The following ZFAT variants were observed in gnomAD, a reference collection of about 807,000 sequenced individuals.
The protein encoded by ZFAT is zinc finger and AT-hook domain containing.
A neutral mutation model predicts 117.7 loss-of-function variants in ZFAT; 64 were observed. That is an observed-to-expected ratio of 0.54 (90% CI 0.44 to 0.67). ZFAT has a LOEUF of 0.67. ZFAT is among the 30% of genes least tolerant of loss of function. The pLI is 0.00. For missense variants in ZFAT, 1,433 were observed against 1,584.5 expected (o/e 0.90, Z 1.62); for synonymous variants, 679 against 615.0 (o/e 1.10, Z -1.54).
At chr8:134,490,773 A>C (rs756173867) in intron 15 of ZFAT, among the ~76,000 whole-genome samples, 5 of 152,164 alleles carry the variant, frequency 3.3e-5, no homozygotes, top group African/African-American at 4.8e-5. Flanking sequence ...CTAAGTCCAT[A>C]AAGCAGGAAT....
intron 13 of ZFAT, among the ~76,000 whole-genome samples, chr8:134,514,031 A>C (rs992170526): frequency 1.3e-5 from 2 of 152,246 alleles, no homozygotes; most frequent in Non-Finnish European, 2.9e-5. Context: ...GTTCCTCCTC[A>C]TTCTGGGGAA....
At chr8:134,479,490 C>T (rs921735139) in intron 15 of ZFAT, among the ~76,000 whole-genome samples, 2 of 152,216 alleles carry the variant, frequency 1.3e-5, no homozygotes, top group African/African-American at 4.8e-5. Flanking sequence ...GCTGCCAGCT[C>T]TGGGCTGTTT....
chr8:134,712,589 C>T (rs1258982515), intron 1 of ZFAT, among the ~76,000 whole-genome samples: 5 of 151,482 alleles, frequency 3.3e-5, no homozygotes, highest in African/African-American at 1.2e-4. Context: ...GTGGAAACGG[C>T]CGGGCGCATG....
At chr8:134,809,865 G>A in the ZFAT span, among the ~76,000 whole-genome samples, 1 of 152,142 alleles carries the variant, frequency 6.6e-6, no homozygotes, top group Non-Finnish European at 1.5e-5. Flanking sequence ...GAGTTGAATA[G>A]TAGCCAGTAC....
At chr8:134,533,034 C>A in intron 11 of ZFAT, 62 bp from the exon 12 acceptor site, 1 of 1,547,242 alleles carries the variant, frequency 6.5e-7, no homozygotes. Context: ...TTCGCTGCTG[C>A]TCCCACCTGG....
the ZFAT span, among the ~76,000 whole-genome samples, chr8:134,741,971 T>A: frequency 1.2e-4 from 19 of 152,010 alleles, no homozygotes; most frequent in Non-Finnish European, 2.4e-4. Context: ...ACCTGCGTAC[T>A]TCTCCCCAGC....
At chr8:134,814,757 T>C in the ZFAT span, among the ~76,000 whole-genome samples, 1 of 152,206 alleles carries the variant, frequency 6.6e-6, no homozygotes, top group African/African-American at 2.4e-5. Context: ...CTTGTCTGTT[T>C]CCACACTAAG....
At chr8:134,622,689 C>T (rs1188108651) in intron 3 of ZFAT, among the ~76,000 whole-genome samples, 1 of 152,158 alleles carries the variant, frequency 6.6e-6, no homozygotes, top group African/African-American at 2.4e-5. Flanking sequence ...ACACAATGGG[C>T]CCTACTGCTC....
Position 134,588,292 on chromosome 8 carries a change from G to T in ZFAT, c.2667C>A (p.Phe889Leu). 2 of 1,577,984 alleles carry T rather than the reference G, an allele frequency of 1.3e-6. No individual in the cohort carries two copies. The highest frequency in any genetic ancestry group is 1.7e-6 in the Non-Finnish European group (2 of 1,160,260). The change falls in exon 9 of 16, where the codon TTC becomes TTA. Residue 889 changes from phenylalanine to leucine, a missense_variant. Around this residue, in one of 5 missense-constraint regions of ZFAT, gnomAD observed 503 missense variants for 543.4 expected, o/e 0.93. Transcript: ENST00000377838. The part of the protein sequence containing the change: ...AMKCPYCDFY[F>L]MKNGSDLQRH... ...GCTGAAGGTCTGAGCCATTCTTCAT[G>T]AAATAAAAGTCACAATATGGGCATT...
chr8:134,691,931 T>G (rs1833607608), intron 1 of ZFAT, among the ~76,000 whole-genome samples: 1 of 152,216 alleles, frequency 6.6e-6, no homozygotes, highest in African/African-American at 2.4e-5. Flanking sequence ...GAGAATAATC[T>G]GAACTAACTG....
chr8:134,514,827 T>C (rs113448615), intron 13 of ZFAT, among the ~76,000 whole-genome samples: 5 of 152,348 alleles, frequency 3.3e-5, no homozygotes, highest in African/African-American at 1.2e-4. Context: ...TTTTTAATTA[T>C]ACTCTAAGTT....
intron 11 of ZFAT, among the ~76,000 whole-genome samples, chr8:134,551,177 G>A (rs1215623584): frequency 1.3e-5 from 2 of 152,188 alleles, no homozygotes; most frequent in Non-Finnish European, 2.9e-5. Context: ...AAATGAGAAA[G>A]CGTGGACTAA....
the ZFAT span, among the ~76,000 whole-genome samples, chr8:134,832,081 G>A: frequency 6.7e-6 from 1 of 149,596 alleles, no homozygotes; most frequent in South Asian, 2.1e-4. Context: ...AGGCGCGCCT[G>A]GAGCGGCCGG....
At chr8:134,628,762 G>A (rs532497807) in intron 3 of ZFAT, among the ~76,000 whole-genome samples, 2 of 152,260 alleles carry the variant, frequency 1.3e-5, no homozygotes, top group South Asian at 4.2e-4. Flanking sequence ...GGTGACACTG[G>A]ATAGGATGCT....
intron 2 of ZFAT, among the ~76,000 whole-genome samples, chr8:134,639,274 C>G (rs1437399069): frequency 2.6e-5 from 4 of 152,148 alleles, no homozygotes; most frequent in African/African-American, 9.7e-5. Context: ...CTCAGGGAAA[C>G]CTGGCACCAG....
chr8:134,662,237 C>T (rs775536647), intron 1 of ZFAT, among the ~76,000 whole-genome samples: 4 of 152,240 alleles, frequency 2.6e-5, no homozygotes, highest in African/African-American at 7.2e-5. Flanking sequence ...CCCACCCTCA[C>T]GACCTGACCA....
At chr8:134,497,070 C>T (rs1818495206) in intron 15 of ZFAT, among the ~76,000 whole-genome samples, 1 of 152,212 alleles carries the variant, frequency 6.6e-6, no homozygotes, top group Admixed American at 6.5e-5. Context: ...CTCCCACAGT[C>T]AGCACGGGCG....
At chr8:134,665,426 G>A (rs141854519) in intron 1 of ZFAT, among the ~76,000 whole-genome samples, 174 of 152,260 alleles carry the variant, frequency 1.1e-3, no homozygotes, top group African/African-American at 2.9e-3. Context: ...CTGTTACCCC[G>A]CACATGAGGC....
At chr8:134,525,008 C>G (rs909514113) in intron 12 of ZFAT, among the ~76,000 whole-genome samples, 2 of 152,190 alleles carry the variant, frequency 1.3e-5, no homozygotes, top group Admixed American at 1.3e-4. Context: ...TGAAGTAACC[C>G]TACTGAGGTC....
Sources: allele counts gnomAD v4.1 joint callset (sites outside exome capture counted in the v4.1 genomes callset), GRCh38; gene constraint gnomAD v4.1.1; regional missense constraint gnomAD v4.1.1; transcripts MANE v1.5; gene names NCBI Gene and HGNC (gene_info 2026-07-23, HGNC 2026-07-21).